The following KLK2 variants were observed in gnomAD, a reference collection of about 807,000 sequenced individuals.
KLK2 encodes kallikrein-2.
A neutral mutation model predicts 23.0 loss-of-function variants in KLK2; 17 were observed. The ratio of observed to expected loss-of-function variants is 0.74; its 90% CI spans 0.51 to 1.11. The LOEUF (loss-of-function observed/expected upper bound fraction) is 1.11, where lower values mean the gene tolerates loss of function less well. Ranked by LOEUF, KLK2 falls within the 50% of genes least tolerant of loss-of-function variation. The pLI, the probability that KLK2 is intolerant of heterozygous loss-of-function variation, is 0.00. For synonymous variants in KLK2, 140 were observed against 124.7 expected, an observed-to-expected ratio of 1.12 and a Z score of -0.82; for missense variants, 330 against 325.9, an observed-to-expected ratio of 1.01 and a Z score of -0.10.
At chr19:50,874,943 GC>G in intron 2 of KLK2, 63 bp downstream of exon 2, 1 of 1,557,118 alleles carries the variant, frequency 6.4e-7, no homozygotes, top group Non-Finnish European at 8.7e-7. Flanking sequence ...ACAGCGGGAT[GC>G]TTCCCCCAGG....
At chr19:50,878,352 G>A (rs1600019952) in intron 4 of KLK2, 52 bp from the exon 5 acceptor site, 2 of 1,558,150 alleles carry the variant, frequency 1.3e-6, no homozygotes, top group Non-Finnish European at 1.8e-6. Context: ...AGTTGCCTAG[G>A]CAGTTATTGG....
chr19:50,877,159 TC>T, intron 4 of KLK2, 151 bp downstream of exon 4: 2 of 903,898 alleles, frequency 2.2e-6, no homozygotes, highest in Non-Finnish European at 3.5e-6. Context: ...CCGCCCTCCT[TC>T]CCCCTTCCCT....
In KLK2 at chr19:50,876,556, A is replaced by C; in HGVS notation, c.291A>C (p.Pro97=). The change falls in exon 3 of 5, where the codon CCA becomes CCC. Residue 97 remains proline, a synonymous_variant. Transcript: ENST00000325321. ...GQRVPVSHSF[P]HPLYNMSLLK... Reference sequence around the variant, plus strand: ...GGGTCCCTGTCAGCCACAGCTTCCCACACCCGCTCTACAATATGAGCCTTC... The same window carrying C: ...GGGTCCCTGTCAGCCACAGCTTCCCCCACCCGCTCTACAATATGAGCCTTC... The C allele has an allele frequency of 6.2e-7, 1 of 1,614,068 alleles. No individual in the cohort carries two copies. Among genetic ancestry groups the C allele is most frequent in the Non-Finnish European group, 8.5e-7 (1 of 1,180,010 alleles).
rs769940210 is a variant in KLK2 at position 50,876,760 on chromosome 19, T to C, written c.493+2T>C. 6.2e-7 allele frequency: 1 copy of C among 1,613,694 alleles called. No individual in the cohort carries two copies. The highest frequency in any genetic ancestry group is 8.5e-7 in the Non-Finnish European group (1 of 1,179,788). ...GGGGCAGCATCGAACCAGAGGAGTGTACGCCTGGGCCAGATGGTGTAGCTG... is the reference window on the plus strand; with the variant it reads ...GGGGCAGCATCGAACCAGAGGAGTGCACGCCTGGGCCAGATGGTGTAGCTG... On this transcript the variant is annotated splice_donor_variant, in intron 3 of 4. Coordinates refer to ENST00000325321, the MANE Select transcript of KLK2 (RefSeq NM_005551.5). LOFTEE classifies it high-confidence loss of function.
At chr19:50,876,157 A>G (rs371468948) in intron 2 of KLK2, 10 of 364,868 alleles carry the variant, frequency 2.7e-5, no homozygotes, top group Middle Eastern at 7.2e-4. Context: ...CCCCATGTCT[A>G]TTTCTTGCTG....
intron 4 of KLK2, chr19:50,877,274 C>G: frequency 1.9e-6 from 1 of 539,710 alleles, no homozygotes; most frequent in Non-Finnish European, 3.3e-6. Flanking sequence ...TTGCCGTAGA[C>G]CCTGGGAAGC....
intron 4 of KLK2, 93 bp downstream of exon 4, chr19:50,877,101 T>C (rs1226613648): frequency 1.3e-6 from 2 of 1,542,612 alleles, no homozygotes; most frequent in East Asian, 2.3e-5. Flanking sequence ...GACATCTGCC[T>C]CCCCTGCTCC....
Position 50,877,021 on chromosome 19 carries a change from T to C in KLK2, c.630+13T>C, listed in dbSNP as rs1206965917. The C allele has an allele frequency of 6.2e-7, 1 of 1,614,078 alleles. No homozygotes were observed. Among genetic ancestry groups the C allele is most frequent in the South Asian group, 1.1e-5 (1 of 91,076 alleles). On this transcript the variant is annotated intron_variant, in intron 4 of 4. Transcript: ENST00000325321. Reference sequence around the variant, plus strand: ...AGACACTTGTGGGGTGAGTCATCCCTACTCCCAACATCTGGAGGGGAAAGG... The same window carrying C: ...AGACACTTGTGGGGTGAGTCATCCCCACTCCCAACATCTGGAGGGGAAAGG...
intron 1 of KLK2, 179 bp downstream of exon 1, chr19:50,873,698 C>T (rs2090253657): frequency 1.8e-6 from 1 of 565,396 alleles, no homozygotes; most frequent in Non-Finnish European, 3.1e-6. Flanking sequence ...CGCTCCCTCC[C>T]ACTTACCTCA....
At chr19:50,877,243 G>C in intron 4 of KLK2, 1 of 583,618 alleles carries the variant, frequency 1.7e-6, no homozygotes, top group Non-Finnish European at 3.1e-6. Context: ...TGCTTACTGG[G>C]CACCTGCTAC....
chr19:50,874,617 G>T, intron 1 of KLK2, 104 bp from the exon 2 acceptor site: 1 of 929,084 alleles, frequency 1.1e-6, no homozygotes, highest in Non-Finnish European at 1.6e-6. Flanking sequence ...TGGACTCCCA[G>T]TCCTGGTCCT....
intron 2 of KLK2, 93 bp downstream of exon 2, chr19:50,874,973 C>G: frequency 6.8e-7 from 1 of 1,476,796 alleles, no homozygotes; most frequent in Non-Finnish European, 9.0e-7. Context: ...TCAGGTGAGG[C>G]TTCAGACTAA....
chr19:50,875,097 G>T, intron 2 of KLK2: 1 of 843,252 alleles, frequency 1.2e-6, no homozygotes, highest in Non-Finnish European at 1.7e-6. Context: ...TGTGTCTCTT[G>T]GTATCTGGCT....
At chr19:50,877,408 G>A (rs2090300958) in intron 4 of KLK2, 2 of 247,586 alleles carry the variant, frequency 8.1e-6, no homozygotes. Flanking sequence ...TCGGGCTCTG[G>A]GGCAGGGAGG....
rs1226121075 is a variant in KLK2 at position 50,876,923 on chromosome 19, A to G, written c.545A>G (p.Asp182Gly). The change falls in exon 4 of 5, where the codon GAC (aspartate) becomes GGC (glycine). Residue 182 changes from aspartate (D) to glycine (G), a missense_variant. Transcript: ENST00000325321. ...GTGAGCCTCCATCTCCTGTCCAATGACATGTGTGCTAGAGCTTACTCTGAG... is the reference window on the plus strand; with the variant it reads ...GTGAGCCTCCATCTCCTGTCCAATGGCATGTGTGCTAGAGCTTACTCTGAG... ...QCVSLHLLSN[D>G]MCARAYSEKV... 1 of 1,614,090 alleles carries G rather than the reference A, an allele frequency of 6.2e-7. No individual in the cohort carries two copies. Among genetic ancestry groups the G allele is most frequent in the Non-Finnish European group, 8.5e-7 (1 of 1,179,996 alleles).
intron 2 of KLK2, 46 bp downstream of exon 2, chr19:50,874,926 AG>A: frequency 1.3e-6 from 2 of 1,592,704 alleles, no homozygotes; most frequent in Non-Finnish European, 8.6e-7. Flanking sequence ...TGTGTCCCAC[AG>A]GAATAACAGC....
Position 50,880,514 on chromosome 19 carries a change from C to T in KLK2, c.*1955C>T. On this transcript the variant is annotated 3_prime_UTR_variant, in exon 5 of 5. Coordinates refer to ENST00000325321, the MANE Select transcript of KLK2 (RefSeq NM_005551.5). ...TATCTGGCAAGATTTTGTGGCACTCCTGGTTACAGATACTGGGGCAGCAAA... is the reference window on the plus strand; with the variant it reads ...TATCTGGCAAGATTTTGTGGCACTCTTGGTTACAGATACTGGGGCAGCAAA... The T allele has an allele frequency of 4.7e-6, 1 of 213,508 alleles. No individual in the cohort carries two copies. Among genetic ancestry groups the T allele is most frequent in the Admixed American group, 5.9e-5 (1 of 17,026 alleles). The allele number at this position is 213,508 out of a possible 1,614,324, so 13.2% of individuals were successfully genotyped here.
chr19:50,877,015 C>T lies in KLK2; in HGVS notation c.630+7C>T. The T allele has an allele frequency of 6.2e-7, 1 of 1,614,048 alleles. No individual in the cohort carries two copies. Among genetic ancestry groups the T allele is most frequent in the Non-Finnish European group, 8.5e-7 (1 of 1,179,988 alleles). Reference sequence around the variant, plus strand: ...TGGTAAAGACACTTGTGGGGTGAGTCATCCCTACTCCCAACATCTGGAGGG... The same window carrying T: ...TGGTAAAGACACTTGTGGGGTGAGTTATCCCTACTCCCAACATCTGGAGGG... On this transcript the variant is annotated splice_region_variant and intron_variant, in intron 4 of 4. Transcript: ENST00000325321.
Position 50,876,586 on chromosome 19 carries a change from G to T in KLK2, c.321G>T (p.Lys107Asn), listed in dbSNP as rs761649385. The change falls in exon 3 of 5, where the codon AAG becomes AAT. Residue 107 changes from lysine to asparagine, a missense_variant. Physicochemically the swap from Lys to Asn is moderately conservative, Grantham distance 94 (BLOSUM62 0). Coordinates refer to ENST00000325321, the MANE Select transcript of KLK2 (RefSeq NM_005551.5). The stretch of plus-strand genomic sequence containing the variant: ...CGCTCTACAATATGAGCCTTCTGAA[G>T]CATCAAAGCCTTAGACCAGATGAAG... The part of the protein sequence containing the change: ...PHPLYNMSLL[K>N]HQSLRPDEDS... 2 of 1,614,188 alleles carry T rather than the reference G, an allele frequency of 1.2e-6. No individual in the cohort carries two copies. The highest frequency in any genetic ancestry group is 3.3e-5 in the Admixed American group (2 of 60,022).
Sources: gnomAD v4.1 joint callset for allele counts on GRCh38, gnomAD v4.1.1 for gene constraint, MANE v1.5 for transcripts, NCBI Gene and HGNC (gene_info 2026-07-23, HGNC 2026-07-21) for gene names.